GRM6: variants seen among roughly 807,000 people sequenced by gnomAD.
The protein encoded by GRM6 is glutamate metabotropic receptor 6, also known as metabotropic glutamate receptor 6.
GRM6 carries 73 observed loss-of-function variants against 78.4 expected under a neutral mutation model. The ratio of observed to expected loss-of-function variants is 0.93; its 90% confidence interval spans 0.77 to 1.13. GRM6 has a LOEUF of 1.13. Among genes scored for constraint, GRM6 ranks in the 50% most tolerant of loss-of-function variants. GRM6 has a pLI of 0.00. For missense variants in GRM6, 1,251 were observed against 1,256.4 expected, an observed-to-expected ratio of 1.00 and a Z score of 0.07; for synonymous variants, 580 against 555.0, an observed-to-expected ratio of 1.05 and a Z score of -0.63.
rs111526982 is a variant in GRM6, at chr5:178,986,932, C to T, written c.1406G>A (p.Arg469Gln). Residue 469 changes from arginine to glutamine, a missense_variant, in exon 8 of 11, where the codon CGG becomes CAG. Transcript: ENST00000517717. ...MFNENGDAPG[R>Q]YDIFQYQATN... ...CGCCTGGTACTGGAAGATGTCGTACCGCCCGGGCGCATCTCCGTTCTCGTT... is the reference window on the plus strand; with the variant it reads ...CGCCTGGTACTGGAAGATGTCGTACTGCCCGGGCGCATCTCCGTTCTCGTT... 2.0e-5 allele frequency: 32 copies of T among 1,613,964 alleles called. 1 individual carries two copies. The highest frequency in any genetic ancestry group is 8.8e-5 in the South Asian group (8 of 91,088).
rs770075825 is a variant in GRM6 at position 178,989,101 on chromosome 5, C to T, written c.1188G>A (p.Glu396=). 17 of 1,613,968 alleles carry T rather than the reference C, an allele frequency of 1.1e-5. No individual in the cohort carries two copies. Among genetic ancestry groups the T allele is most frequent in the Non-Finnish European group, 1.4e-5 (16 of 1,180,002 alleles). ...EERIGRDSTY[E]QEGKVQFVID... is the part of the protein sequence containing the mutation. ...TCACAAACTGCACCTTGCCCTCCTG[C>T]TCGTAGGTGGAGTCCCGGCCGATGC... Residue 396 remains glutamate (E), a synonymous_variant, in exon 7 of 11, where the codon GAG becomes GAA. Transcript: ENST00000517717.
At chr5:178,995,063 C>T (rs753609670) in intron 1 of GRM6, 103 bp from the exon 2 acceptor site, 4 of 573,936 alleles carry the variant, frequency 7.0e-6, no homozygotes, top group East Asian at 8.1e-5. Context: ...AGAAGGCGCT[C>T]GGGGCGCGCC....
At chr5:178,995,008 AGAGCGCGGGCTCG>A in intron 1 of GRM6, 48 bp from the exon 2 acceptor site, 1 of 1,032,182 alleles carries the variant, frequency 9.7e-7, no homozygotes, top group Non-Finnish European at 1.2e-6. Context: ...CGGGGGAAGG[AGAGCGCGGGCTCG>A]GGGCGCGGGG....
chr5:178,989,050 G>A lies in GRM6; in HGVS notation c.1239C>T (p.His413=), dbSNP rs112697894. The change falls in exon 7 of 11, where the codon CAC becomes CAT. Residue 413 remains histidine, a synonymous_variant. Coordinates refer to ENST00000517717, the MANE Select transcript of GRM6 (RefSeq NM_000843.4). The part of the protein sequence containing the change: ...FVIDAVYAIA[H]ALHSMHQALC... The stretch of plus-strand genomic sequence containing the variant: ...GCGCCTGGTGCATGCTGTGGAGGGC[G>A]TGGGCAATGGCGTACACCGCATCAA... The A allele has an allele frequency of 2.6e-5, 42 of 1,613,982 alleles. No homozygotes were observed. Among genetic ancestry groups the A allele is most frequent in the Middle Eastern group, 1.7e-4 (1 of 6,060 alleles).
rs570095832 is a variant in GRM6 at position 178,988,538 on chromosome 5, A to C, written c.1354+397T>G. 2.6e-5 allele frequency among the ~76,000 whole-genome samples: 4 copies of C among 152,208 alleles called. 1 individual carries two copies. Among genetic ancestry groups the C allele is most frequent in the Admixed American group, 2.0e-4 (3 of 15,282 alleles). ...TCAGACCCACGCCTGTGCCTGGCGC[A>C]TGACTCAGAGTGGGCGGCATGTCCC... On this transcript the variant is annotated intron_variant, in intron 7 of 10. Coordinates refer to ENST00000517717, the MANE Select transcript of GRM6 (RefSeq NM_000843.4). This position sits in a 1 kb window ranked among gnomAD's most constrained non-coding sequence, Gnocchi z 6.0.
chr5:178,984,181 A>G (rs185497448), intron 9 of GRM6, among the ~76,000 whole-genome samples: 4,203 of 150,962 alleles, frequency 0.028, 85 homozygotes, highest in South Asian at 0.075. Context: ...TCCAGGTGGA[A>G]AAAAAAAAAG....
At position 178,991,688 on chromosome 5, in the gene GRM6, C is replaced by T; in HGVS notation, c.722-129G>A. The T allele has an allele frequency of 1.6e-6, 2 of 1,272,876 alleles. No homozygotes were observed. Among genetic ancestry groups the T allele is most frequent in the Non-Finnish European group, 2.3e-6 (2 of 876,550 alleles). 78.8% of individuals were successfully genotyped at this position (1,272,876 alleles called of 1,614,324 possible). ...GGTGAAGTCTGGCCTGCACCCTCCGCCAAGCCTGAGGCAGGGCTGAGTCGT... is the reference window on the plus strand; with the variant it reads ...GGTGAAGTCTGGCCTGCACCCTCCGTCAAGCCTGAGGCAGGGCTGAGTCGT... On this transcript the variant is annotated intron_variant, in intron 3 of 10. Coordinates refer to ENST00000517717, the MANE Select transcript of GRM6 (RefSeq NM_000843.4). The surrounding 1 kb of genome is among the most constrained non-coding windows in gnomAD (Gnocchi z 5.0).
In GRM6 at chr5:178,980,622, T is replaced by C. The variant is rs931533268; in HGVS notation, c.*1035A>G. Reference sequence around the variant, plus strand: ...TCTGAATTTCTTCAGGTTTGGGGGTTTTTTTGGTGTTTTTTTGTTTTGTTT... The same window carrying C: ...TCTGAATTTCTTCAGGTTTGGGGGTCTTTTTGGTGTTTTTTTGTTTTGTTT... On this transcript the variant is annotated 3_prime_UTR_variant, in exon 11 of 11. Transcript: ENST00000517717. The surrounding 1 kb of genome is among the most constrained non-coding windows in gnomAD (Gnocchi z 4.3). 24 of 153,544 alleles carry C rather than the reference T, an allele frequency of 1.6e-4. No individual in the cohort carries two copies. The highest frequency in any genetic ancestry group is 5.8e-4 in the African/African-American group (24 of 41,474). The allele number at this position is 153,544 out of a possible 1,614,324, so 9.5% of individuals were successfully genotyped here.
At position 178,994,459 on chromosome 5, in the gene GRM6, G is replaced by A. The variant is rs1204290337; in HGVS notation, c.486C>T (p.Asn162=). Residue 162 remains asparagine (N), a synonymous_variant, in exon 2 of 11, where the codon AAC becomes AAT. Transcript: ENST00000517717. ...CCCTCACCGCAAACAGGCGCAGCAC[G>A]TTGGCGACCATGATGGAGACGGAGC... ...SASSVSIMVA[N]VLRLFAIPQI... 10 of 1,488,516 alleles carry A rather than the reference G, an allele frequency of 6.7e-6. No individual in the cohort carries two copies. In the Admixed American group the frequency reaches 1.3e-4, roughly 20 times the overall value. The allele number at this position is 1,488,516 out of a possible 1,614,324, so 92.2% of individuals were successfully genotyped here.
chr5:178,983,045 C>A lies in GRM6; in HGVS notation c.2301G>T (p.Val767=). The A allele has an allele frequency of 1.2e-6, 2 of 1,614,054 alleles. No individual in the cohort carries two copies. Among genetic ancestry groups the A allele is most frequent in the Non-Finnish European group, 1.7e-6 (2 of 1,179,958 alleles). ...GCACGCCACGGGCCTTGATGGCGTACACTGTGCACGTGACCATGAGCAGGA... is the reference window on the plus strand; with the variant it reads ...GCACGCCACGGGCCTTGATGGCGTAAACTGTGCACGTGACCATGAGCAGGA... ...YSLLLMVTCT[V]YAIKARGVPE... The change falls in exon 10 of 11, where the codon GTG becomes GTT. Residue 767 remains valine (V), a synonymous_variant. Coordinates refer to ENST00000517717, the MANE Select transcript of GRM6 (RefSeq NM_000843.4).
chr5:178,994,964 CG>C lies in GRM6; in HGVS notation c.-16-5del. 1 of 1,153,044 alleles carries C rather than the reference CG, an allele frequency of 8.7e-7. No individual in the cohort carries two copies. The highest frequency in any genetic ancestry group is 1.1e-6 in the Non-Finnish European group (1 of 936,856). 71.4% of individuals were successfully genotyped at this position (1,153,044 alleles called of 1,614,324 possible). On this transcript the variant is annotated splice_region_variant and splice_polypyrimidine_tract_variant and intron_variant, in intron 1 of 10. Coordinates refer to ENST00000517717, the MANE Select transcript of GRM6 (RefSeq NM_000843.4). ...CGCCATCGGCTCGTCTAGCGGGCTGCGGGGAGACAGAGGGGCGGGGAGCGCT... is the reference window on the plus strand; with the variant it reads ...CGCCATCGGCTCGTCTAGCGGGCTGCGGGAGACAGAGGGGCGGGGAGCGCT...
In GRM6 at chr5:178,979,311, C is replaced by A. The variant is rs1043564408; in HGVS notation, c.*2346G>T. The A allele has an allele frequency of 1.3e-5, 2 of 152,166 alleles. No individual in the cohort carries two copies. The highest frequency in any genetic ancestry group is 4.8e-5 in the African/African-American group (2 of 41,426). The allele number at this position is 152,166 out of a possible 1,614,324, so 9.4% of individuals were successfully genotyped here. On this transcript the variant is annotated 3_prime_UTR_variant, in exon 11 of 11. Coordinates refer to ENST00000517717, the MANE Select transcript of GRM6 (RefSeq NM_000843.4). The stretch of plus-strand genomic sequence containing the variant: ...TATGCACACACCGAGTGTGGAAAAG[C>A]CCTCTTGTGGAAGTCAGTTATTTGT...
At position 178,982,692 on chromosome 5, in the gene GRM6, T is replaced by TAA. The variant is rs11335877; in HGVS notation, c.2436+216_2436+217dup. ...ATATCTCTCAAAGAAATGAAAATGA[T>TAA]AAAAAAAAAAAAGAAAAAAAGAAGA... is the stretch of plus-strand genomic sequence containing the variant. On this transcript the variant is annotated intron_variant, in intron 10 of 10. Transcript: ENST00000517717. 0.1 allele frequency: 44,727 copies of TAA among 429,136 alleles called. 2,119 individuals are homozygous for TAA. The highest frequency in any genetic ancestry group is 0.27 in the African/African-American group (12,228 of 45,090). The allele number at this position is 429,136 out of a possible 1,614,324, so 26.6% of individuals were successfully genotyped here.
rs772067965 is a variant in GRM6, at chr5:178,990,582, C to T, written c.1012+10G>A. Reference sequence around the variant, plus strand: ...GTGTGGGGTGGGGGATGGAGTGCCCCTGGACTCACCGTCGATGGAGGCCCT... The same window carrying T: ...GTGTGGGGTGGGGGATGGAGTGCCCTTGGACTCACCGTCGATGGAGGCCCT... On this transcript the variant is annotated intron_variant, in intron 5 of 10. Transcript: ENST00000517717. 1 of 1,610,188 alleles carries T rather than the reference C, an allele frequency of 6.2e-7. No individual in the cohort carries two copies.
At chr5:178,987,396 A>G in intron 7 of GRM6, 3 of 461,462 alleles carry the variant, frequency 6.5e-6, no homozygotes, top group South Asian at 4.6e-5. Context: ...TAGCCACAAG[A>G]TGAAAGCAAC....
chr5:178,985,631 A>G (rs1457270086), intron 9 of GRM6: 2 of 373,118 alleles, frequency 5.4e-6, no homozygotes, highest in African/African-American at 2.2e-5. Context: ...TGAACCCGGA[A>G]GGCAGAGCTT....
intron 9 of GRM6, chr5:178,985,553 A>T (rs939176928): frequency 8.9e-6 from 3 of 337,234 alleles, no homozygotes; most frequent in African/African-American, 2.2e-5. Flanking sequence ...AATACAAAAA[A>T]TTAGCCGGGC....
At chr5:178,983,340 T>G in intron 9 of GRM6, 119 bp from the exon 10 acceptor site, 1 of 870,630 alleles carries the variant, frequency 1.1e-6, no homozygotes, top group Non-Finnish European at 1.9e-6. Context: ...GAGGGGATGC[T>G]CCACCTCTTC....
chr5:178,985,858 C>T (rs567975329), intron 9 of GRM6: 15 of 546,202 alleles, frequency 2.7e-5, no homozygotes, highest in East Asian at 7.1e-5. Context: ...AACTCTTGGG[C>T]TCAAGCGATC....
Sources: allele counts gnomAD v4.1 joint callset (sites outside exome capture counted in the v4.1 genomes callset), GRCh38; gene constraint gnomAD v4.1.1; non-coding constraint Gnocchi (gnomAD v3.1); transcripts MANE v1.5; gene names NCBI Gene and HGNC (gene_info 2026-07-23, HGNC 2026-07-21).